UBAP2: variants seen among roughly 807,000 people sequenced by gnomAD.
UBAP2 encodes ubiquitin associated protein 2.
UBAP2 carries 75 observed loss-of-function variants against 139.6 expected under a neutral mutation model. That is an observed-to-expected ratio of 0.54 (90% CI 0.45 to 0.65). The LOEUF is 0.65. Ranked by LOEUF, UBAP2 falls within the 30% of genes least tolerant of loss-of-function variation. The probability of loss-of-function intolerance (pLI) is 0.00; values close to 1 mark genes in which losing one functional copy is unlikely to be tolerated. For missense variants in UBAP2, 1,368 were observed against 1,369.6 expected, an observed-to-expected ratio of 1.00 and a Z score of 0.02; for synonymous variants, 526 against 526.2, an observed-to-expected ratio of 1.00 and a Z score of 0.01.
At chr9:34,020,449 C>G (rs1056829818) in intron 1 of UBAP2, among the ~76,000 whole-genome samples, 2 of 151,710 alleles carry the variant, frequency 1.3e-5, no homozygotes, top group African/African-American at 4.8e-5. Context: ...CTCAGCCTCC[C>G]GAATAACTGG....
rs56985047 is a variant in UBAP2, at chr9:33,968,498, A to T, written c.679+3153T>A. The T allele has an allele frequency of 1.4e-3, 748 of 522,490 alleles. 11 individuals carry two copies. In the East Asian group the frequency reaches 0.031, roughly 21 times the overall value. 32.4% of individuals were successfully genotyped at this position (522,490 alleles called of 1,614,324 possible). A position where few individuals can be genotyped will look rare whatever the true frequency, so the allele number is the denominator to read the frequency against. ...GTTGGGACATTTGAGCACTAATGGG[A>T]CGCGGTACAAAGTCTCCATGTTGGT... On this transcript the variant is annotated intron_variant, in intron 8 of 28. Transcript: ENST00000379238.
chr9:33,979,794 G>A (rs985434166), intron 6 of UBAP2, among the ~76,000 whole-genome samples: 2 of 152,186 alleles, frequency 1.3e-5, no homozygotes, highest in Admixed American at 6.5e-5. Context: ...CTTGAACCCC[G>A]GAGGCGGAGG....
At chr9:33,982,995 C>T (rs1820902170) in intron 6 of UBAP2, among the ~76,000 whole-genome samples, 1 of 151,748 alleles carries the variant, frequency 6.6e-6, no homozygotes, top group Admixed American at 6.6e-5. Context: ...TTCTCTGCCC[C>T]GGCCTCCAAG....
chr9:33,950,872 CTT>C, intron 12 of UBAP2, among the ~76,000 whole-genome samples: 1 of 152,208 alleles, frequency 6.6e-6, no homozygotes. Context: ...AATGGAGAGA[CTT>C]TTAAAATGTA....
chr9:33,944,724 T>C, intron 13 of UBAP2, 85 bp from the exon 14 acceptor site: 1 of 1,438,426 alleles, frequency 7.0e-7, no homozygotes, highest in East Asian at 2.3e-5. Context: ...TTACCACCAA[T>C]TTCTCCAAAT....
At chr9:33,975,848 A>G (rs1828298411) in intron 6 of UBAP2, among the ~76,000 whole-genome samples, 1 of 151,988 alleles carries the variant, frequency 6.6e-6, no homozygotes, top group Non-Finnish European at 1.5e-5. Flanking sequence ...TATGGGTAAC[A>G]GTATGGCAGT....
intron 1 of UBAP2, among the ~76,000 whole-genome samples, chr9:34,019,411 A>T (rs1424349417): frequency 6.6e-6 from 1 of 150,932 alleles, no homozygotes; most frequent in Non-Finnish European, 1.5e-5. Context: ...GGCAAGGGGT[A>T]AAAAAAAACG....
chr9:34,035,514 A>AAAAATATATATAT lies in UBAP2; in HGVS notation c.-42+13310_-42+13311insATATATATATTTT. On this transcript the variant is annotated intron_variant, in intron 1 of 28. Transcript: ENST00000379238. ...GAGACTCCATCTAAAAAAAAAAAAA[A>AAAAATATATATAT]ATATATATATATAAAGATTAGCCAG... Among the ~76,000 whole-genome samples the AAAAATATATATAT allele has an allele frequency of 1.1e-3, 25 of 22,468 alleles. 2 individuals are homozygous for AAAAATATATATAT. The highest frequency in any genetic ancestry group is 3.1e-3 in the African/African-American group (24 of 7,824). The allele number at this position is 22,468 out of a possible 152,430, so 14.7% of individuals were successfully genotyped here.
At position 34,012,187 on chromosome 9, in the gene UBAP2, A is replaced by G. The variant is rs117734439; in HGVS notation, c.99+4863T>C. On this transcript the variant is annotated intron_variant, in intron 2 of 28. Transcript: ENST00000379238. ...TGTGGAATTTTCACATAAATTCACA[A>G]GAGAGTTGACATCTGAATACAATGT... 8.2e-3 allele frequency among the ~76,000 whole-genome samples: 1,246 copies of G among 152,300 alleles called. 11 individuals carry two copies. The highest frequency in any genetic ancestry group is 0.013 in the Non-Finnish European group (906 of 68,002).
chr9:33,991,131 C>T (rs1821675732), intron 4 of UBAP2, among the ~76,000 whole-genome samples: 1 of 151,928 alleles, frequency 6.6e-6, no homozygotes, highest in African/African-American at 2.4e-5. Context: ...ACTAAAAATA[C>T]AAAAATTAGC....
intron 4 of UBAP2, among the ~76,000 whole-genome samples, chr9:33,990,844 C>G (rs1821650063): frequency 6.6e-6 from 1 of 151,906 alleles, no homozygotes; most frequent in Non-Finnish European, 1.5e-5. Flanking sequence ...ACCATGTTGG[C>G]CAGGGTGCTC....
rs1030451178 is a variant in UBAP2, at chr9:33,996,011, T to G, written c.288+212A>C. 3 of 468,660 alleles carry G rather than the reference T, an allele frequency of 6.4e-6. No individual in the cohort carries two copies. The Admixed American group carries it at 1.2e-4, about 18-fold the overall frequency. 29.0% of individuals were successfully genotyped at this position (468,660 alleles called of 1,614,324 possible). A position where few individuals can be genotyped will look rare whatever the true frequency, so the allele number is the denominator to read the frequency against. On this transcript the variant is annotated intron_variant, in intron 4 of 28. Coordinates refer to ENST00000379238, the MANE Select transcript of UBAP2 (RefSeq NM_001370062.2). ...GTAAGGCTGGAGTAGATCACCAAGT[T>G]CTCTTTCAAGTCATCAGATTCTACG...
intron 4 of UBAP2, among the ~76,000 whole-genome samples, chr9:33,991,322 G>A (rs747247398): frequency 2.0e-4 from 31 of 151,752 alleles, no homozygotes; most frequent in Non-Finnish European, 4.0e-4. Context: ...TAATAATAAC[G>A]TAAGAATTGT....
intron 9 of UBAP2, among the ~76,000 whole-genome samples, chr9:33,963,100 G>A (rs1827195937): frequency 6.6e-6 from 1 of 152,172 alleles, no homozygotes; most frequent in Non-Finnish European, 1.5e-5. Context: ...GAGAATCTGA[G>A]TACATTTAAA....
At chr9:34,034,515 C>A (rs1036071113) in intron 1 of UBAP2, among the ~76,000 whole-genome samples, 1 of 152,142 alleles carries the variant, frequency 6.6e-6, no homozygotes, top group Non-Finnish European at 1.5e-5. Context: ...AATCCAAATA[C>A]AAAATTCCTT....
At chr9:34,033,445 G>A (rs1730441557) in intron 1 of UBAP2, among the ~76,000 whole-genome samples, 1 of 152,134 alleles carries the variant, frequency 6.6e-6, no homozygotes. Flanking sequence ...GACAGTAGAA[G>A]GATGGAGTAT....
rs774942322 is a variant in UBAP2, at chr9:33,932,635, G to T, written c.2109-7C>A. On this transcript the variant is annotated splice_region_variant and splice_polypyrimidine_tract_variant and intron_variant, in intron 18 of 28. Transcript: ENST00000379238. ...CTGGTGGCTGGAGAGCGAACTAGAAGACAAAACAGAGCGCCGTATGTCCAC... is the reference window on the plus strand; with the variant it reads ...CTGGTGGCTGGAGAGCGAACTAGAATACAAAACAGAGCGCCGTATGTCCAC... 2 of 1,613,902 alleles carry T rather than the reference G, an allele frequency of 1.2e-6. No individual in the cohort carries two copies. The highest frequency in any genetic ancestry group is 2.2e-5 in the South Asian group (2 of 91,034).
chr9:33,930,320 A>C (rs938202946), intron 19 of UBAP2, among the ~76,000 whole-genome samples: 2 of 152,196 alleles, frequency 1.3e-5, no homozygotes, highest in Non-Finnish European at 2.9e-5. Flanking sequence ...GACCCGCTAC[A>C]TACAGCTATA....
chr9:33,983,939 C>T (rs1236176628), intron 6 of UBAP2, among the ~76,000 whole-genome samples: 1 of 151,398 alleles, frequency 6.6e-6, no homozygotes, highest in African/African-American at 2.4e-5. Context: ...TGAGACAGAG[C>T]ATCACTCTGT....
Sources: allele counts gnomAD v4.1 joint callset (sites outside exome capture counted in the v4.1 genomes callset), GRCh38; gene constraint gnomAD v4.1.1; transcripts MANE v1.5; gene names NCBI Gene and HGNC (gene_info 2026-07-23, HGNC 2026-07-21).